Variants in ADD3 observed in about 807,000 individuals in gnomAD.
ADD3 encodes adducin 3, also known as gamma-adducin.
A neutral mutation model predicts 80.2 loss-of-function variants in ADD3; 25 were observed. That is an observed-to-expected ratio of 0.31 (90% CI 0.23 to 0.44). The LOEUF (loss-of-function observed/expected upper bound fraction) is 0.44. ADD3 is among the 20% of genes least tolerant of loss of function. The pLI, the probability that ADD3 is intolerant of heterozygous loss-of-function variation, is 1.00. For synonymous variants in ADD3, 284 were observed against 289.6 expected, an observed-to-expected ratio of 0.98 and a Z score of 0.20; for missense variants, 829 against 847.5, an observed-to-expected ratio of 0.98 and a Z score of 0.27.
intron 1 of ADD3, among the ~76,000 whole-genome samples, chr10:110,036,154 AAAAC>A (rs1289880677): frequency 6.6e-6 from 1 of 152,052 alleles, no homozygotes; most frequent in Non-Finnish European, 1.5e-5. Flanking sequence ...CCATCTCAAA[AAAAC>A]AAACAAAAAA....
At chr10:110,082,584 C>T (rs534462780) in intron 1 of ADD3, among the ~76,000 whole-genome samples, 6 of 152,310 alleles carry the variant, frequency 3.9e-5, no homozygotes, top group African/African-American at 1.4e-4. Flanking sequence ...GGAATCAGAG[C>T]TGTGCCTTAA....
intron 1 of ADD3, among the ~76,000 whole-genome samples, chr10:110,068,830 A>C (rs1325433620): frequency 6.6e-6 from 1 of 152,300 alleles, no homozygotes; most frequent in Admixed American, 6.5e-5. Flanking sequence ...TAATCCCAGC[A>C]CTTTGGGAGG....
chr10:110,130,804 T>C (rs1852866510), intron 13 of ADD3, among the ~76,000 whole-genome samples: 1 of 149,962 alleles, frequency 6.7e-6, no homozygotes, highest in Non-Finnish European at 1.5e-5. Context: ...TGCAGTGAGC[T>C]GAGATCGCAC....
chr10:110,023,932 C>A (rs1214876403), intron 1 of ADD3, among the ~76,000 whole-genome samples: 1 of 152,106 alleles, frequency 6.6e-6, no homozygotes, highest in African/African-American at 2.4e-5. Flanking sequence ...AACCAAATAC[C>A]ACATGTTCTC....
At chr10:110,051,551 T>C (rs1857517053) in intron 1 of ADD3, among the ~76,000 whole-genome samples, 1 of 152,198 alleles carries the variant, frequency 6.6e-6, no homozygotes, top group Admixed American at 6.5e-5. Context: ...ATCCATACAG[T>C]GGAATACTGT....
At position 110,134,576 on chromosome 10, in the gene ADD3, A is replaced by C. The variant is rs1421581195; in HGVS notation, c.*958A>C. ...TTTCTCTTAGTATTGCTAATGAGTA[A>C]AGAAAAGTCTCATAAGGTAGCCAAA... On this transcript the variant is annotated 3_prime_UTR_variant, in exon 15 of 15. Transcript: ENST00000356080. 6.6e-6 allele frequency: 1 copy of C among 152,550 alleles called. No homozygotes were observed. Among genetic ancestry groups the C allele is most frequent in the African/African-American group, 2.4e-5 (1 of 41,452 alleles). 9.4% of individuals were successfully genotyped at this position (152,550 alleles called of 1,614,324 possible).
rs1045188700 is a variant in ADD3 at position 110,129,029 on chromosome 10, C to G, written c.1609-1334C>G. ...ACATTATTCTCTGTAATTCTTTTAT[C>G]TGGGACTATTTAGTTTATCTGGAAA... On this transcript the variant is annotated intron_variant, in intron 12 of 14. Transcript: ENST00000356080. Among the ~76,000 whole-genome samples the G allele has an allele frequency of 2.6e-5, 4 of 152,260 alleles. No individual in the cohort carries two copies. The South Asian group carries it at 6.2e-4, about 24-fold the overall frequency.
chr10:109,996,710 A>C (rs1851386575), intron 1 of ADD3, among the ~76,000 whole-genome samples: 1 of 152,236 alleles, frequency 6.6e-6, no homozygotes, highest in Non-Finnish European at 1.5e-5. Context: ...TTTAGTCTGA[A>C]GGTAGAAACT....
chr10:110,129,349 A>G (rs1852635177), intron 12 of ADD3, among the ~76,000 whole-genome samples: 1 of 151,820 alleles, frequency 6.6e-6, no homozygotes, highest in Non-Finnish European at 1.5e-5. Context: ...GGGTTTCTCC[A>G]TGTTGGTCAG....
intron 14 of ADD3, 59 bp from the exon 15 acceptor site, chr10:110,133,262 TGTAAA>T (rs1853285984): frequency 6.7e-7 from 1 of 1,485,466 alleles, no homozygotes; most frequent in Admixed American, 2.2e-5. Context: ...ATTTCAGTTT[TGTAAA>T]GTAGAGCAAA....
At chr10:110,115,876 A>G (rs979912389) in intron 3 of ADD3, among the ~76,000 whole-genome samples, 4 of 152,212 alleles carry the variant, frequency 2.6e-5, no homozygotes, top group African/African-American at 9.6e-5. Flanking sequence ...ATAAAAGTCA[A>G]GAGAGATAAT....
At chr10:110,096,743 A>T (rs1334897757) in intron 1 of ADD3, among the ~76,000 whole-genome samples, 1 of 152,182 alleles carries the variant, frequency 6.6e-6, no homozygotes, top group Non-Finnish European at 1.5e-5. Flanking sequence ...AAAGCAAATC[A>T]CAAGTCCAAA....
intron 1 of ADD3, among the ~76,000 whole-genome samples, chr10:110,017,834 GACT>G (rs1161120484): frequency 6.6e-6 from 1 of 152,132 alleles, no homozygotes; most frequent in East Asian, 1.9e-4. Flanking sequence ...TTTAATACCT[GACT>G]ACTATTATGA....
chr10:110,066,288 G>C (rs894346016), intron 1 of ADD3, among the ~76,000 whole-genome samples: 44 of 152,284 alleles, frequency 2.9e-4, no homozygotes, highest in African/African-American at 9.9e-4. Context: ...CGCCCAGGCT[G>C]GAGGGCAGTG....
chr10:110,022,012 A>G (rs1466200074), intron 1 of ADD3, among the ~76,000 whole-genome samples: 1 of 152,180 alleles, frequency 6.6e-6, no homozygotes, highest in African/African-American at 2.4e-5. Context: ...TGGATGAAAC[A>G]AGAATTACCG....
upstream of ADD3, among the ~76,000 whole-genome samples, chr10:110,006,822 ATGAAG>A (rs1038539242): frequency 5.3e-5 from 8 of 151,688 alleles, no homozygotes; most frequent in Non-Finnish European, 1.2e-4. Flanking sequence ...AGGAAAGGAA[ATGAAG>A]TGGATTGTCG....
intron 4 of ADD3, 142 bp from the exon 5 acceptor site, chr10:110,117,200 G>A (rs1284535217): frequency 3.7e-6 from 2 of 541,278 alleles, no homozygotes; most frequent in Non-Finnish European, 6.5e-6. Context: ...AAAGTTTCAT[G>A]TTGTAGACCT....
intron 1 of ADD3, among the ~76,000 whole-genome samples, chr10:110,088,621 C>G (rs1189855533): frequency 6.6e-6 from 1 of 152,128 alleles, no homozygotes; most frequent in Non-Finnish European, 1.5e-5. Context: ...TGTTGAGTTG[C>G]CTACAGTTTT....
At chr10:110,065,809 G>A (rs1843881575) in intron 1 of ADD3, among the ~76,000 whole-genome samples, 1 of 151,464 alleles carries the variant, frequency 6.6e-6, no homozygotes, top group Admixed American at 6.6e-5. Context: ...CAAAGTGCTG[G>A]GATTACAGGT....
Sources: gnomAD v4.1 joint callset for allele counts (sites outside exome capture counted in the v4.1 genomes callset) on GRCh38, gnomAD v4.1.1 for gene constraint, MANE v1.5 for transcripts, NCBI Gene and HGNC (gene_info 2026-07-23, HGNC 2026-07-21) for gene names.